MNAT1: variants seen among roughly 807,000 people sequenced by gnomAD.
The protein encoded by MNAT1 is CDK-activating kinase assembly factor MAT1.
In MNAT1, 43 loss-of-function variants were observed where a neutral mutation model predicts 42.0. The observed-to-expected ratio is 1.02, with a 90% CI of 0.80 to 1.32. The LOEUF is 1.32. Ranked by LOEUF, MNAT1 falls within the 40% of genes most tolerant of loss-of-function variation. The pLI, the probability that MNAT1 is intolerant of heterozygous loss-of-function variation, is 0.00. For missense variants in MNAT1, 306 were observed against 350.4 expected (o/e 0.87, Z 1.01); for synonymous variants, 118 against 120.0 (o/e 0.98, Z 0.11).
At chr14:60,862,846 C>T (rs893481041) in intron 6 of MNAT1, among the ~76,000 whole-genome samples, 3 of 152,006 alleles carry the variant, frequency 2.0e-5, no homozygotes, top group Non-Finnish European at 4.4e-5. Context: ...GATTTGGAAG[C>T]GTTGACTATT....
At chr14:60,745,339 G>A (rs1219362425) in intron 1 of MNAT1, among the ~76,000 whole-genome samples, 1 of 152,186 alleles carries the variant, frequency 6.6e-6, no homozygotes. Flanking sequence ...ATATTTGTTA[G>A]CAAAAGCTGG....
At chr14:60,911,606 T>A (rs1332634366) in intron 7 of MNAT1, among the ~76,000 whole-genome samples, 1 of 152,212 alleles carries the variant, frequency 6.6e-6, no homozygotes, top group East Asian at 1.9e-4. Flanking sequence ...AGCAGGTTGT[T>A]CAGTTTCCAT....
intron 7 of MNAT1, among the ~76,000 whole-genome samples, chr14:60,930,002 A>C (rs1352230464): frequency 6.6e-6 from 1 of 151,950 alleles, no homozygotes; most frequent in Non-Finnish European, 1.5e-5. Flanking sequence ...AATTGTTTGC[A>C]TTCAGAGGTC....
intron 1 of MNAT1, among the ~76,000 whole-genome samples, chr14:60,792,176 C>A (rs1472093698): frequency 6.6e-6 from 1 of 152,018 alleles, no homozygotes; most frequent in African/African-American, 2.4e-5. Flanking sequence ...TCCTTAAACG[C>A]ATTTCATTAT....
rs2035830535 is a variant in MNAT1 at position 60,929,165 on chromosome 14, A to AT, written c.810-39064_810-39063insT. Among the ~76,000 whole-genome samples the AT allele has an allele frequency of 1.4e-3, 119 of 84,008 alleles. 1 individual carries two copies. The highest frequency in any genetic ancestry group is 4.0e-3 in the African/African-American group (109 of 27,384). The allele number at this position is 84,008 out of a possible 152,430, so 55.1% of individuals were successfully genotyped here. ...CCATCTCCCAAAAAAAAAAAAAAAA[A>AT]AAAAAATATATATATATATATATAT... On this transcript the variant is annotated intron_variant, in intron 7 of 7. Coordinates refer to ENST00000261245, the MANE Select transcript of MNAT1 (RefSeq NM_002431.4).
intron 6 of MNAT1, among the ~76,000 whole-genome samples, chr14:60,839,248 A>G: frequency 6.6e-6 from 1 of 152,104 alleles, no homozygotes; most frequent in Admixed American, 6.5e-5. Flanking sequence ...ACCAATTAGC[A>G]TGCACTTACT....
At chr14:60,815,601 T>G (rs2032688946) in intron 5 of MNAT1, among the ~76,000 whole-genome samples, 1 of 152,216 alleles carries the variant, frequency 6.6e-6, no homozygotes, top group South Asian at 2.1e-4. Flanking sequence ...CAGTGAGGCA[T>G]GAAGCAAGAT....
At chr14:60,801,878 G>A (rs757305243) in intron 3 of MNAT1, among the ~76,000 whole-genome samples, 2 of 152,122 alleles carry the variant, frequency 1.3e-5, no homozygotes, top group Non-Finnish European at 2.9e-5. Context: ...CAACCTAAGT[G>A]TCCATCATTG....
intron 7 of MNAT1, 99 bp downstream of exon 7, chr14:60,879,934 A>T: frequency 7.4e-7 from 1 of 1,350,150 alleles, no homozygotes; most frequent in South Asian, 1.5e-5. Context: ...CAGTTTATAG[A>T]ACTTTACTGT....
rs1481383504 is a variant in MNAT1, at chr14:60,968,597, G to T, written c.*248G>T. On this transcript the variant is annotated 3_prime_UTR_variant, in exon 8 of 8. Transcript: ENST00000261245. ...ATAAGCCTCATCTGATGGAAGAGAGGAATAAATAATTCACCTATATGTGTT... is the reference window on the plus strand; with the variant it reads ...ATAAGCCTCATCTGATGGAAGAGAGTAATAAATAATTCACCTATATGTGTT... The T allele has an allele frequency of 9.0e-7, 1 of 1,108,244 alleles. No individual in the cohort carries two copies. The allele number at this position is 1,108,244 out of a possible 1,614,324, so 68.7% of individuals were successfully genotyped here. A position where few individuals can be genotyped will look rare whatever the true frequency, so the allele number is the denominator to read the frequency against.
At chr14:60,951,115 A>G (rs2036373427) in intron 7 of MNAT1, among the ~76,000 whole-genome samples, 1 of 152,168 alleles carries the variant, frequency 6.6e-6, no homozygotes, top group Non-Finnish European at 1.5e-5. Flanking sequence ...AAACATAGAG[A>G]AGCACAGAGA....
At chr14:60,789,517 A>G (rs1258885362) in intron 1 of MNAT1, among the ~76,000 whole-genome samples, 2 of 152,198 alleles carry the variant, frequency 1.3e-5, no homozygotes, top group South Asian at 2.1e-4. Flanking sequence ...GCAAAGCCCA[A>G]TAAGGCAATT....
chr14:60,754,325 TAGGG>T (rs2030234803), intron 1 of MNAT1, among the ~76,000 whole-genome samples: 1 of 150,644 alleles, frequency 6.6e-6, no homozygotes, highest in South Asian at 2.1e-4. Flanking sequence ...TTTTTAATAA[TAGGG>T]AGAAATTTCT....
chr14:60,949,536 A>G (rs1407016686), intron 7 of MNAT1, among the ~76,000 whole-genome samples: 8 of 152,202 alleles, frequency 5.3e-5, no homozygotes, highest in African/African-American at 1.9e-4. Flanking sequence ...TATTTAAAAT[A>G]TTATACCAGC....
chr14:60,749,672 TAAAG>T (rs1389668595), intron 1 of MNAT1, among the ~76,000 whole-genome samples: 4 of 152,238 alleles, frequency 2.6e-5, no homozygotes, highest in African/African-American at 9.6e-5. Context: ...ATTTACTCTA[TAAAG>T]AGTTATTTTC....
At chr14:60,874,971 C>A (rs2034406043) in intron 6 of MNAT1, among the ~76,000 whole-genome samples, 1 of 152,014 alleles carries the variant, frequency 6.6e-6, no homozygotes, top group South Asian at 2.1e-4. Context: ...GCTTGAGAAC[C>A]ATGGCATCTA....
At chr14:60,791,783 C>A (rs1019419748) in intron 1 of MNAT1, among the ~76,000 whole-genome samples, 2 of 152,032 alleles carry the variant, frequency 1.3e-5, no homozygotes, top group Non-Finnish European at 2.9e-5. Flanking sequence ...TTTAAAATTA[C>A]AAATATCTGG....
intron 6 of MNAT1, among the ~76,000 whole-genome samples, chr14:60,857,606 C>A (rs1303309056): frequency 6.6e-6 from 1 of 152,028 alleles, no homozygotes; most frequent in African/African-American, 2.4e-5. Context: ...TTAAGTTCTG[C>A]GGTACATTTG....
At chr14:60,878,813 G>C (rs537066609) in intron 6 of MNAT1, among the ~76,000 whole-genome samples, 3 of 152,072 alleles carry the variant, frequency 2.0e-5, no homozygotes, top group Admixed American at 6.6e-5. Flanking sequence ...TTGAAGAAAG[G>C]CTTCAGGATC....
Sources: gnomAD v4.1 joint callset for allele counts (sites outside exome capture counted in the v4.1 genomes callset) on GRCh38, gnomAD v4.1.1 for gene constraint, MANE v1.5 for transcripts, NCBI Gene and HGNC (gene_info 2026-07-23, HGNC 2026-07-21) for gene names.